SAMMSON: variants seen among roughly 807,000 people sequenced by gnomAD.
SAMMSON encodes long intergenic non-protein coding RNA 1212.
At chr3:70,392,747 C>T (rs547959879), downstream of SAMMSON, among the ~76,000 whole-genome samples, 153 of 152,084 alleles carry the variant, frequency 1.0e-3, no homozygotes, top group Non-Finnish European at 1.8e-3. Context: ...AATATTGACC[C>T]GCCAGGGTTG....
intron 4 of SAMMSON, among the ~76,000 whole-genome samples, chr3:70,197,550 A>G (rs575043295): frequency 3.9e-5 from 6 of 152,186 alleles, no homozygotes; most frequent in Admixed American, 2.0e-4. Flanking sequence ...GGACTCCCCA[A>G]ATACAAGGGG....
intron 3 of SAMMSON, among the ~76,000 whole-genome samples, chr3:70,057,886 G>A (rs2067173703): frequency 6.6e-6 from 1 of 152,026 alleles, no homozygotes; most frequent in African/African-American, 2.4e-5. Flanking sequence ...GGAAATTTGA[G>A]TGGAAAATCC....
intron 2 of SAMMSON, among the ~76,000 whole-genome samples, chr3:70,402,582 C>T (rs1701148680): frequency 6.6e-6 from 1 of 152,074 alleles, no homozygotes; most frequent in South Asian, 2.1e-4. Flanking sequence ...AAATCATGGG[C>T]TAGGTGTAGT....
intron 4 of SAMMSON, among the ~76,000 whole-genome samples, chr3:70,157,292 A>G (rs892158369): frequency 6.6e-6 from 1 of 152,104 alleles, no homozygotes; most frequent in Non-Finnish European, 1.5e-5. Context: ...AACGATGGTG[A>G]AGAAGGATTT....
intron 4 of SAMMSON, among the ~76,000 whole-genome samples, chr3:70,080,070 C>G (rs2067262465): frequency 6.6e-6 from 1 of 152,224 alleles, no homozygotes; most frequent in African/African-American, 2.4e-5. Flanking sequence ...TTTTCACCTT[C>G]TCTATCTGGC....
chr3:70,094,475 C>A (rs907988770), intron 4 of SAMMSON, among the ~76,000 whole-genome samples: 1 of 152,182 alleles, frequency 6.6e-6, no homozygotes, highest in African/African-American at 2.4e-5. Context: ...CTCTAAAATT[C>A]TCTGCACTGT....
At chr3:70,298,601 C>A (rs934121336) in intron 7 of SAMMSON, among the ~76,000 whole-genome samples, 1 of 152,216 alleles carries the variant, frequency 6.6e-6, no homozygotes, top group East Asian at 1.9e-4. Context: ...TCCTCTTTCT[C>A]GTTAAAATCA....
intron 3 of SAMMSON, among the ~76,000 whole-genome samples, chr3:70,032,930 C>T (rs1271994871): frequency 6.6e-6 from 1 of 152,120 alleles, no homozygotes; most frequent in African/African-American, 2.4e-5. Flanking sequence ...CATAATAGCT[C>T]CTCAGTCCAC....
intron 4 of SAMMSON, among the ~76,000 whole-genome samples, chr3:70,153,245 G>C (rs1200858075): frequency 6.6e-6 from 1 of 151,890 alleles, no homozygotes; most frequent in Non-Finnish European, 1.5e-5. Flanking sequence ...ACAAAGTCAA[G>C]AGCGGTCTCT....
chr3:70,229,840 TG>T (rs1440186246), intron 4 of SAMMSON, among the ~76,000 whole-genome samples: 1 of 152,198 alleles, frequency 6.6e-6, no homozygotes, highest in Non-Finnish European at 1.5e-5. Flanking sequence ...GGTCAATATT[TG>T]AAACAGCTAC....
At chr3:70,221,249 A>G (rs1247695862) in intron 4 of SAMMSON, among the ~76,000 whole-genome samples, 1 of 152,184 alleles carries the variant, frequency 6.6e-6, no homozygotes, top group Non-Finnish European at 1.5e-5. Context: ...AAAAATAATG[A>G]TAGCTAACAT....
chr3:70,333,025 A>G (rs1702633029), intron 7 of SAMMSON: 1 of 152,224 alleles, frequency 6.6e-6, no homozygotes, highest in African/African-American at 2.4e-5. Context: ...AGCCATTTTT[A>G]TTCTTCTCTC....
At chr3:70,362,184 G>T (rs978789246) in intron 9 of SAMMSON, among the ~76,000 whole-genome samples, 1 of 152,052 alleles carries the variant, frequency 6.6e-6, no homozygotes, top group African/African-American at 2.4e-5. Context: ...ATTGACTCTC[G>T]GATGATAAGT....
intron 4 of SAMMSON, among the ~76,000 whole-genome samples, chr3:70,086,521 C>A (rs1452308958): frequency 6.6e-6 from 1 of 152,174 alleles, no homozygotes; most frequent in African/African-American, 2.4e-5. Flanking sequence ...GGCAGCCTGC[C>A]CTGGTTTCTT....
chr3:70,243,449 G>A (rs1701679374), intron 4 of SAMMSON, among the ~76,000 whole-genome samples: 1 of 152,120 alleles, frequency 6.6e-6, no homozygotes, highest in South Asian at 2.1e-4. Context: ...TTCTTTCAGA[G>A]TTGCTTAAAT....
At chr3:70,376,870 T>G (rs993227088) in intron 9 of SAMMSON, among the ~76,000 whole-genome samples, 3 of 152,164 alleles carry the variant, frequency 2.0e-5, no homozygotes, top group Admixed American at 6.6e-5. Flanking sequence ...GCCCATATCA[T>G]TTTATTTCTT....
chr3:70,201,223 T>C (rs11707366), intron 4 of SAMMSON, among the ~76,000 whole-genome samples: 122,364 of 151,796 alleles, frequency 0.81, 50,982 homozygotes, highest in Non-Finnish European at 0.92. Context: ...ATAAGCCCCA[T>C]TGTGTGTCGT....
chr3:70,417,062 A>G (rs1420291943), intron 2 of SAMMSON, among the ~76,000 whole-genome samples: 1 of 152,128 alleles, frequency 6.6e-6, no homozygotes, highest in Non-Finnish European at 1.5e-5. Context: ...CCTCAGAATC[A>G]TCTTCTACGC....
chr3:70,391,538 T>C (rs908998032), downstream of SAMMSON, among the ~76,000 whole-genome samples: 6 of 152,150 alleles, frequency 3.9e-5, no homozygotes, highest in African/African-American at 1.4e-4. Context: ...AAGGCAGAAA[T>C]AGTCTGTAGT....
Sources: allele counts gnomAD v4.1 joint callset (sites outside exome capture counted in the v4.1 genomes callset), GRCh38; gene constraint gnomAD v4.1.1; transcripts MANE v1.5; gene names NCBI Gene and HGNC (gene_info 2026-07-23, HGNC 2026-07-21).